DGKD: variants seen among roughly 807,000 people sequenced by gnomAD.
DGKD encodes diacylglycerol kinase delta, also known as DAG kinase delta.
A neutral mutation model predicts 154.4 loss-of-function variants in DGKD; 68 were observed. That is an observed-to-expected ratio of 0.44 (90% confidence interval 0.36 to 0.54). The LOEUF (loss-of-function observed/expected upper bound fraction) is 0.54, where lower values mean the gene tolerates loss of function less well. Ranked by LOEUF, DGKD falls within the 20% of genes least tolerant of loss-of-function variation. The pLI, the probability that DGKD is intolerant of heterozygous loss-of-function variation, is 0.00. For synonymous variants in DGKD, 693 were observed against 638.0 expected (o/e 1.09, Z -1.30); for missense variants, 1,343 against 1,593.6 (o/e 0.84, Z 2.68).
rs934406424 is a variant in DGKD at position 233,458,911 on chromosome 2, A to T, written c.2694+514A>T. Among the ~76,000 whole-genome samples the T allele has an allele frequency of 2.6e-5, 4 of 152,080 alleles. No individual in the cohort carries two copies. Among genetic ancestry groups the T allele is most frequent in the Non-Finnish European group, 5.9e-5 (4 of 68,018 alleles). ...ACCCGGCCAAGATAACTCTTTCAAA[A>T]TGTGTATCCTGCTTGAACCACAGCC... On this transcript the variant is annotated intron_variant, in intron 22 of 29. Transcript: ENST00000264057. The surrounding 1 kb of genome is among the most constrained non-coding windows in gnomAD (Gnocchi z 6.6).
chr2:233,427,720 C>T (rs957044001), intron 3 of DGKD, among the ~76,000 whole-genome samples: 1 of 152,148 alleles, frequency 6.6e-6, no homozygotes, highest in Non-Finnish European at 1.5e-5. Context: ...AATACATTTG[C>T]TTGAAAAATA....
At chr2:233,467,298 C>T (rs2305540) in intron 28 of DGKD, 95 bp downstream of exon 28, 272,032 of 875,748 alleles carry the variant, frequency 0.31, 44,679 homozygotes, top group East Asian at 0.42. Context: ...GGCCTTGCAG[C>T]TCCTCCCTCT....
At chr2:233,365,442 A>G (rs192249245) in intron 1 of DGKD, among the ~76,000 whole-genome samples, 4 of 152,034 alleles carry the variant, frequency 2.6e-5, no homozygotes, top group Non-Finnish European at 5.9e-5. Flanking sequence ...GGGGGGTCTC[A>G]CCGTCTTGGT....
At chr2:233,450,286 A>G (rs2063231394) in intron 16 of DGKD, among the ~76,000 whole-genome samples, 155 bp downstream of exon 16, 3 of 151,516 alleles carry the variant, frequency 2.0e-5, no homozygotes, top group Non-Finnish European at 4.4e-5. Context: ...GTTTCTGTGC[A>G]TCTCCTGTGC....
chr2:233,450,272 G>A (rs1003246275), intron 16 of DGKD, 141 bp downstream of exon 16: 48 of 1,137,508 alleles, frequency 4.2e-5, no homozygotes, highest in African/African-American at 6.3e-5. Context: ...AGCGCCCAAG[G>A]CCTGTTTCTG....
intron 1 of DGKD, among the ~76,000 whole-genome samples, chr2:233,380,890 CGGT>C (rs1702866472): frequency 6.6e-6 from 1 of 152,030 alleles, no homozygotes; most frequent in Non-Finnish European, 1.5e-5. Flanking sequence ...CTCCTCCTGT[CGGT>C]GGAGGCTTTG....
intron 1 of DGKD, among the ~76,000 whole-genome samples, chr2:233,361,075 C>T (rs1045567791): frequency 1.3e-5 from 2 of 151,104 alleles, no homozygotes; most frequent in Non-Finnish European, 2.9e-5. Context: ...GAACACTGGG[C>T]CCTGAACAAA....
chr2:233,405,538 A>G (rs936566132), intron 3 of DGKD, among the ~76,000 whole-genome samples: 1 of 151,732 alleles, frequency 6.6e-6, no homozygotes, highest in Non-Finnish European at 1.5e-5. Context: ...AAAAGAAAGA[A>G]AAAAAAAGAG....
chr2:233,458,431 T>A lies in DGKD; in HGVS notation c.2694+34T>A. On this transcript the variant is annotated intron_variant, in intron 22 of 29. Coordinates refer to ENST00000264057, the MANE Select transcript of DGKD (RefSeq NM_152879.3). The surrounding 1 kb of genome is among the most constrained non-coding windows in gnomAD (Gnocchi z 6.6). ...CATGGTCCTGGGGTGTCTGGCCGAG[T>A]CCCCAGCCCGGAGTGTGCTAAATTC... 1 of 1,532,928 alleles carries A rather than the reference T, an allele frequency of 6.5e-7. No homozygotes were observed. The highest frequency in any genetic ancestry group is 8.9e-7 in the Non-Finnish European group (1 of 1,119,918). The allele number at this position is 1,532,928 out of a possible 1,614,324, so 95.0% of individuals were successfully genotyped here. A position where few individuals can be genotyped will look rare whatever the true frequency, so the allele number is the denominator to read the frequency against.
At chr2:233,396,339 T>C (rs1344449524) in intron 3 of DGKD, among the ~76,000 whole-genome samples, 1 of 152,256 alleles carries the variant, frequency 6.6e-6, no homozygotes, top group African/African-American at 2.4e-5. Context: ...AAACGAATTC[T>C]GGTTCATGTG....
intron 10 of DGKD, 91 bp downstream of exon 10, chr2:233,442,086 G>T (rs774857742): frequency 1.7e-6 from 2 of 1,162,788 alleles, no homozygotes; most frequent in Non-Finnish European, 2.6e-6. Context: ...TCATCTCGGA[G>T]CACCTGTTCT....
At chr2:233,360,442 C>T (rs1035503814) in intron 1 of DGKD, among the ~76,000 whole-genome samples, 1 of 151,908 alleles carries the variant, frequency 6.6e-6, no homozygotes, top group Non-Finnish European at 1.5e-5. Context: ...TTTATGGAGA[C>T]GAGGGTCTCA....
chr2:233,403,433 G>A (rs979248162), intron 3 of DGKD, among the ~76,000 whole-genome samples: 1 of 151,670 alleles, frequency 6.6e-6, no homozygotes, highest in Non-Finnish European at 1.5e-5. Flanking sequence ...GGTGGTGGGC[G>A]CCTGTAATCC....
At chr2:233,411,169 T>A (rs572668836) in intron 3 of DGKD, among the ~76,000 whole-genome samples, 1 of 152,334 alleles carries the variant, frequency 6.6e-6, no homozygotes, top group South Asian at 2.1e-4. Flanking sequence ...ACAAGTCTTT[T>A]GTGTGGACAT....
chr2:233,436,320 C>T lies in DGKD; in HGVS notation c.698C>T (p.Ala233Val), dbSNP rs749557088. 10 of 1,614,080 alleles carry T rather than the reference C, an allele frequency of 6.2e-6. No homozygotes were observed. The highest frequency in any genetic ancestry group is 8.5e-6 in the Non-Finnish European group (10 of 1,180,040). The part of the protein sequence containing the change: ...KDIIEDADGI[A>V]MPHQWLEGNL... ...CGTGCCTCTGTTTGGTTGCAGATTGCAATGCCCCACCAGTGGTTGGAAGGA... is the reference window on the plus strand; with the variant it reads ...CGTGCCTCTGTTTGGTTGCAGATTGTAATGCCCCACCAGTGGTTGGAAGGA... Residue 233 changes from alanine (A) to valine (V), a missense_variant, in exon 7 of 30, where the codon GCA becomes GTA. Ala to Val is a moderately conservative substitution (Grantham distance 64). Around this residue, in one of 6 missense-constraint regions of DGKD, gnomAD observed 332 missense variants for 400.1 expected, o/e 0.83. Transcript: ENST00000264057.
intron 3 of DGKD, among the ~76,000 whole-genome samples, chr2:233,391,343 A>G (rs1703597252): frequency 6.6e-6 from 1 of 152,094 alleles, no homozygotes; most frequent in South Asian, 2.1e-4. Context: ...ATTTCTGTAT[A>G]TTTATGTCTT....
intron 7 of DGKD, 35 bp downstream of exon 7, chr2:233,436,476 G>T: frequency 6.3e-7 from 1 of 1,599,908 alleles, no homozygotes; most frequent in South Asian, 1.1e-5. Context: ...CTGGAGGGGA[G>T]GGCTTGCTCC....
rs996543145 is a variant in DGKD, at chr2:233,459,121, C to G, written c.2695-636C>G. ...GAGTGGTGAAGGGCTGGGGGTGCCC[C>G]CATGGCTTATTTCTGACAGCAGCGA... On this transcript the variant is annotated intron_variant, in intron 22 of 29. Coordinates refer to ENST00000264057, the MANE Select transcript of DGKD (RefSeq NM_152879.3). This position sits in a 1 kb window ranked among gnomAD's most constrained non-coding sequence, Gnocchi z 5.7. 9.2e-5 allele frequency among the ~76,000 whole-genome samples: 14 copies of G among 152,130 alleles called. No individual in the cohort carries two copies. The highest frequency in any genetic ancestry group is 1.8e-4 in the Non-Finnish European group (12 of 68,026).
intron 27 of DGKD, 128 bp downstream of exon 27, chr2:233,464,411 C>A: frequency 8.3e-7 from 1 of 1,202,880 alleles, no homozygotes; most frequent in Non-Finnish European, 1.2e-6. Context: ...CCCTGAGGGG[C>A]CTTCTCCAGA....
Sources: allele counts gnomAD v4.1 joint callset (sites outside exome capture counted in the v4.1 genomes callset), GRCh38; gene constraint gnomAD v4.1.1; regional missense constraint gnomAD v4.1.1; non-coding constraint Gnocchi (gnomAD v3.1); transcripts MANE v1.5; gene names NCBI Gene and HGNC (gene_info 2026-07-23, HGNC 2026-07-21).